Variants in ZNF682 observed in about 807,000 individuals in gnomAD.
ZNF682 encodes zinc finger protein 682.
A neutral mutation model predicts 36.5 loss-of-function variants in ZNF682; 29 were observed. The ratio of observed to expected loss-of-function variants is 0.80; its 90% CI spans 0.59 to 1.08. The LOEUF is 1.08. Ranked by LOEUF, ZNF682 falls within the 50% of genes least tolerant of loss-of-function variation. ZNF682 has a pLI of 0.00. For missense variants in ZNF682, 561 were observed against 579.7 expected (o/e 0.97, Z 0.33); for synonymous variants, 180 against 197.0 (o/e 0.91, Z 0.72).
At chr19:19,996,987 C>T (rs984684307), downstream of ZNF682, 11 of 366,148 alleles carry the variant, frequency 3.0e-5, no homozygotes, top group African/African-American at 2.3e-4. Flanking sequence ...CACACAGACA[C>T]ACACACAGAA....
At chr19:19,996,096 G>A (rs919611650), downstream of ZNF682, among the ~76,000 whole-genome samples, 24 of 152,206 alleles carry the variant, frequency 1.6e-4, no homozygotes, top group African/African-American at 5.8e-4. Context: ...CTCAGGAAAA[G>A]AGACCTTGCT....
chr19:20,006,918 T>C lies in ZNF682; in HGVS notation c.584A>G (p.His195Arg), dbSNP rs758226656. The change falls in exon 4 of 4, where the codon CAC (histidine) becomes CGC (arginine). Residue 195 changes from histidine (H) to arginine (R), a missense_variant. Physicochemically the swap from His to Arg is conservative, Grantham distance 29. Transcript: ENST00000397165. ...HSGLSYHKII[H>R]TEEKLCICEE... ...ACATATGCAGAGTTTCTCTTCAGTG[T>C]GAATTATCTTATGATAAGAAAGGCC... The C allele has an allele frequency of 8.1e-6, 13 of 1,613,822 alleles. No individual in the cohort carries two copies. In the Admixed American group the frequency reaches 2.2e-4, roughly 27 times the overall value.
chr19:20,000,994 G>T (rs570995715), downstream of ZNF682, among the ~76,000 whole-genome samples: 15 of 152,286 alleles, frequency 9.8e-5, no homozygotes, highest in South Asian at 3.1e-3. Flanking sequence ...ACAGGCCCAG[G>T]TCCCAGACTG....
intron 3 of ZNF682, among the ~76,000 whole-genome samples, chr19:20,018,789 G>C (rs915507972): frequency 6.6e-6 from 1 of 152,078 alleles, no homozygotes; most frequent in Non-Finnish European, 1.5e-5. Context: ...GTATATGGGG[G>C]AAAATATGAC....
At chr19:19,996,668 C>T (rs59658335), downstream of ZNF682, among the ~76,000 whole-genome samples, 18 of 152,180 alleles carry the variant, frequency 1.2e-4, no homozygotes, top group East Asian at 3.1e-3. Context: ...CATGAATTTT[C>T]GGGGAGGAAA....
intron 1 of ZNF682, among the ~76,000 whole-genome samples, chr19:20,032,670 G>A (rs1432559775): frequency 6.6e-6 from 1 of 152,070 alleles, no homozygotes; most frequent in Admixed American, 6.6e-5. Flanking sequence ...TCTCCACAAT[G>A]GCAGAACACA....
chr19:20,012,767 CAAAAAAAAAAA>C (rs35481536), intron 3 of ZNF682, among the ~76,000 whole-genome samples: 1 of 83,740 alleles, frequency 1.2e-5, no homozygotes, highest in Non-Finnish European at 2.3e-5. Context: ...GACTCCGTCT[CAAAAAAAAAAA>C]AAAAAAAAGA....
chr19:19,999,469 A>G (rs190704679), downstream of ZNF682, among the ~76,000 whole-genome samples: 1 of 152,284 alleles, frequency 6.6e-6, no homozygotes, highest in Admixed American at 6.5e-5. Context: ...GGCCATCTGA[A>G]GCCTGTGAAT....
chr19:20,028,979 A>ATT (rs10651551), intron 1 of ZNF682, among the ~76,000 whole-genome samples: 65,810 of 138,696 alleles, frequency 0.47, 18,213 homozygotes, highest in Middle Eastern at 0.61. Context: ...TCTATCACTG[A>ATT]TTTTTTTTTT....
At chr19:20,009,483 C>T (rs2088262760) in intron 3 of ZNF682, among the ~76,000 whole-genome samples, 2 of 152,088 alleles carry the variant, frequency 1.3e-5, no homozygotes, top group African/African-American at 4.8e-5. Flanking sequence ...AAAATTTTCC[C>T]ATCTTGCTAG....
intron 3 of ZNF682, among the ~76,000 whole-genome samples, chr19:20,009,270 G>C (rs552637388): frequency 6.6e-6 from 1 of 152,116 alleles, no homozygotes; most frequent in Admixed American, 6.5e-5. Flanking sequence ...GCAGATGAAA[G>C]TATTTCAGAG....
chr19:20,013,710 A>G (rs1270634081), intron 3 of ZNF682, among the ~76,000 whole-genome samples: 1 of 152,148 alleles, frequency 6.6e-6, no homozygotes, highest in Non-Finnish European at 1.5e-5. Context: ...CTTCCCTAGT[A>G]GCTGGGATTA....
intron 3 of ZNF682, chr19:20,015,936 T>C (rs2122339690): frequency 2.6e-6 from 1 of 391,734 alleles, no homozygotes; most frequent in Middle Eastern, 6.4e-4. Flanking sequence ...GAATTAGGAA[T>C]AAATTATGCT....
intron 1 of ZNF682, 128 bp from the exon 2 acceptor site, chr19:20,024,504 T>A (rs1160571223): frequency 7.9e-6 from 9 of 1,140,866 alleles, no homozygotes; most frequent in Non-Finnish European, 1.1e-5. Context: ...TTTTAACAAA[T>A]ATATTCTCTG....
chr19:20,017,653 A>C (rs952476370), intron 3 of ZNF682, among the ~76,000 whole-genome samples: 6 of 152,318 alleles, frequency 3.9e-5, no homozygotes, highest in African/African-American at 1.4e-4. Flanking sequence ...ATATAAAAAA[A>C]CCAGATAGAT....
At chr19:20,013,852 T>C (rs1035606358) in intron 3 of ZNF682, among the ~76,000 whole-genome samples, 1 of 152,198 alleles carries the variant, frequency 6.6e-6, no homozygotes, top group African/African-American at 2.4e-5. Context: ...AGTGCTGGGA[T>C]TGCAGGTGTG....
intron 3 of ZNF682, among the ~76,000 whole-genome samples, chr19:19,999,126 C>T (rs1373202962): frequency 1.3e-5 from 2 of 152,138 alleles, no homozygotes; most frequent in Non-Finnish European, 2.9e-5. Flanking sequence ...TCAGGAGAGT[C>T]ATCACCAGAG....
At chr19:19,997,355 G>T (rs2088134116) in intron 3 of ZNF682, 1 of 398,134 alleles carries the variant, frequency 2.5e-6, no homozygotes, top group East Asian at 3.6e-5. Context: ...AAGAGTACTT[G>T]AAGTGGGTGA....
At chr19:20,017,868 A>T (rs2088348093) in intron 3 of ZNF682, among the ~76,000 whole-genome samples, 1 of 152,138 alleles carries the variant, frequency 6.6e-6, no homozygotes, top group Non-Finnish European at 1.5e-5. Flanking sequence ...GAATGAAACT[A>T]GAAATCAGAA....
Sources: allele counts gnomAD v4.1 joint callset (sites outside exome capture counted in the v4.1 genomes callset), GRCh38; gene constraint gnomAD v4.1.1; transcripts MANE v1.5; gene names NCBI Gene and HGNC (gene_info 2026-07-23, HGNC 2026-07-21).